The following PEMT variants were observed in gnomAD, a reference collection of about 807,000 sequenced individuals.
PEMT encodes the protein phospholipid methyltransferase.
In PEMT, 23 loss-of-function variants were observed where a neutral mutation model predicts 27.4. The observed-to-expected ratio is 0.84, with a 90% CI of 0.60 to 1.19. PEMT has a LOEUF of 1.19. Ranked by LOEUF, PEMT falls within the 50% of genes most tolerant of loss-of-function variation. The probability of loss-of-function intolerance (pLI) is 0.00; values close to 1 mark genes in which losing one functional copy is unlikely to be tolerated. For synonymous variants in PEMT, 137 were observed against 139.1 expected (o/e 0.98, Z 0.11); for missense variants, 307 against 310.1 (o/e 0.99, Z 0.07).
At chr17:17,541,693 G>C (rs746217207) in intron 2 of PEMT, among the ~76,000 whole-genome samples, 2 of 152,244 alleles carry the variant, frequency 1.3e-5, no homozygotes, top group African/African-American at 4.8e-5. Flanking sequence ...TCCAGGAAAG[G>C]ATTCTGAGCT....
intron 2 of PEMT, among the ~76,000 whole-genome samples, chr17:17,556,113 G>C (rs1910034278): frequency 6.6e-6 from 1 of 152,248 alleles, no homozygotes; most frequent in Non-Finnish European, 1.5e-5. Context: ...ATGGACGCCA[G>C]AGAGTCCAGA....
In PEMT at chr17:17,570,275, G is replaced by T. The variant is rs545283993; in HGVS notation, c.204+6645C>A. ...GCAGGCTCCGCTTCAACTCTCTTAG[G>T]ATGCTCCTGGGAAGGGGACAGTGAG... On this transcript the variant is annotated intron_variant, in intron 2 of 6. Coordinates refer to ENST00000255389, the MANE Select transcript of PEMT (RefSeq NM_148172.3). 6.6e-5 allele frequency among the ~76,000 whole-genome samples: 10 copies of T among 152,328 alleles called. No homozygotes were observed. The South Asian group carries it at 2.1e-3, about 32-fold the overall frequency.
At chr17:17,586,180 AAAAG>A (rs1478358005) in intron 1 of PEMT, among the ~76,000 whole-genome samples, 3 of 149,786 alleles carry the variant, frequency 2.0e-5, no homozygotes, top group Non-Finnish European at 4.4e-5. Context: ...GAAAGAAAGA[AAAAG>A]AAAAAGAAGG....
chr17:17,591,434 C>G, intron 1 of PEMT, 97 bp downstream of exon 1: 1 of 1,066,318 alleles, frequency 9.4e-7, no homozygotes, highest in Non-Finnish European at 1.3e-6. Flanking sequence ...AACTGGCGGC[C>G]CCGCCCCGCA....
chr17:17,530,913 G>A (rs889756056), intron 2 of PEMT, among the ~76,000 whole-genome samples: 1 of 152,022 alleles, frequency 6.6e-6, no homozygotes, highest in Non-Finnish European at 1.5e-5. Context: ...CGTAACGGCA[G>A]GTGCCTGCAA....
chr17:17,569,305 G>A (rs1020519925), intron 2 of PEMT, among the ~76,000 whole-genome samples: 4 of 152,212 alleles, frequency 2.6e-5, no homozygotes, highest in African/African-American at 9.6e-5. Flanking sequence ...CCTCTCTGGA[G>A]CACATGTGCA....
chr17:17,511,230 T>TACCTGCCCGC (rs1567663663), intron 4 of PEMT, among the ~76,000 whole-genome samples: 1 of 152,126 alleles, frequency 6.6e-6, no homozygotes, highest in African/African-American at 2.4e-5. Flanking sequence ...TTCTCTTTCC[T>TACCTGCCCGC]ACCTGCCCGC....
intron 1 of PEMT, 73 bp downstream of exon 1, chr17:17,591,458 C>T: frequency 1.6e-6 from 2 of 1,277,392 alleles, no homozygotes; most frequent in South Asian, 1.3e-5. Flanking sequence ...TTTGAGGCGC[C>T]GCAAGCCTTC....
chr17:17,525,298 T>A (rs1907587742), intron 2 of PEMT, among the ~76,000 whole-genome samples: 1 of 152,090 alleles, frequency 6.6e-6, no homozygotes, highest in Non-Finnish European at 1.5e-5. Context: ...GACTAACCCA[T>A]GTGGGAAAGA....
chr17:17,554,345 C>T (rs1909892759), intron 2 of PEMT, among the ~76,000 whole-genome samples: 1 of 152,200 alleles, frequency 6.6e-6, no homozygotes. Flanking sequence ...GTTCACAGCC[C>T]CCCTCCCATG....
At chr17:17,550,039 G>A (rs960837515) in intron 2 of PEMT, among the ~76,000 whole-genome samples, 11 of 152,340 alleles carry the variant, frequency 7.2e-5, no homozygotes, top group Admixed American at 7.2e-4. Flanking sequence ...AGGGTGGTGA[G>A]ACTGTCCCTG....
At chr17:17,515,619 T>C (rs533873094) in intron 3 of PEMT, among the ~76,000 whole-genome samples, 1 of 152,248 alleles carries the variant, frequency 6.6e-6, no homozygotes, top group East Asian at 1.9e-4. Context: ...TGATTCTAGA[T>C]TCCAGGTTTA....
chr17:17,507,444 C>T (rs1422505658), intron 5 of PEMT: 7 of 563,992 alleles, frequency 1.2e-5, no homozygotes, highest in African/African-American at 1.1e-4. Flanking sequence ...CTGCCCACTG[C>T]CTTCCACCCC....
chr17:17,533,370 C>G (rs748408124), intron 2 of PEMT, among the ~76,000 whole-genome samples: 2 of 152,180 alleles, frequency 1.3e-5, no homozygotes, highest in Non-Finnish European at 2.9e-5. Flanking sequence ...AGAGCTAAAA[C>G]TATAAAACTC....
At chr17:17,548,692 G>A (rs1365545881) in intron 2 of PEMT, among the ~76,000 whole-genome samples, 1 of 152,160 alleles carries the variant, frequency 6.6e-6, no homozygotes, top group African/African-American at 2.4e-5. Flanking sequence ...GGGATTACAG[G>A]CATGCACCAC....
In PEMT at chr17:17,568,903, C is replaced by T. The variant is rs1296222857; in HGVS notation, c.204+8017G>A. On this transcript the variant is annotated intron_variant, in intron 2 of 6. Coordinates refer to ENST00000255389, the MANE Select transcript of PEMT (RefSeq NM_148172.3). The stretch of plus-strand genomic sequence containing the variant: ...TCACCTTGCCCACAGCGCCACCTAC[C>T]GTCTGGCCACCCTGGGGTGCAGCTG... 2.0e-5 allele frequency among the ~76,000 whole-genome samples: 3 copies of T among 152,164 alleles called. No individual in the cohort carries two copies. In the South Asian group the frequency reaches 6.2e-4, roughly 31 times the overall value.
In PEMT at chr17:17,586,269, AAAGAAAGAAAGAAAGAAAG is replaced by A. The variant is rs1163168510; in HGVS notation, c.96+5243_96+5261del. Among the ~76,000 whole-genome samples, 62 of 116,380 alleles carry A rather than the reference AAAGAAAGAAAGAAAGAAAG, an allele frequency of 5.3e-4. 2 individuals are homozygous for A. The highest frequency in any genetic ancestry group is 5.9e-4 in the Admixed American group (7 of 11,804). The allele number at this position is 116,380 out of a possible 152,430, so 76.3% of individuals were successfully genotyped here. A position where few individuals can be genotyped will look rare whatever the true frequency, so the allele number is the denominator to read the frequency against. ...GAAAGAAAGAAAGAAAGAAAGAAAG[AAAGAAAGAAAGAAAGAAAG>A]AAAAAAAAAAACGCAGGTGGAAAAT... is the stretch of plus-strand genomic sequence containing the variant. On this transcript the variant is annotated intron_variant, in intron 1 of 6. Coordinates refer to ENST00000255389, the MANE Select transcript of PEMT (RefSeq NM_148172.3).
At chr17:17,520,101 G>C (rs542120126) in intron 3 of PEMT, among the ~76,000 whole-genome samples, 2 of 152,284 alleles carry the variant, frequency 1.3e-5, no homozygotes, top group South Asian at 2.1e-4. Flanking sequence ...CTGTTCCTGT[G>C]GGGGGACTCC....
chr17:17,586,295 A>C (rs1392525324), intron 1 of PEMT, among the ~76,000 whole-genome samples: 1 of 138,794 alleles, frequency 7.2e-6, no homozygotes, highest in Non-Finnish European at 1.5e-5. Context: ...AAAGAAAAAA[A>C]AAAACGCAGG....
Sources: allele counts gnomAD v4.1 joint callset (sites outside exome capture counted in the v4.1 genomes callset), GRCh38; gene constraint gnomAD v4.1.1; transcripts MANE v1.5; gene names NCBI Gene and HGNC (gene_info 2026-07-23, HGNC 2026-07-21).